FGF12: variants seen among roughly 807,000 people sequenced by gnomAD.
FGF12 encodes fibroblast growth factor 12B.
A neutral mutation model predicts 23.6 loss-of-function variants in FGF12; 14 were observed. The ratio of observed to expected loss-of-function variants is 0.59; its 90% confidence interval spans 0.39 to 0.93. FGF12 has a LOEUF of 0.93. Ranked by LOEUF, FGF12 falls within the 40% of genes least tolerant of loss-of-function variation. FGF12 has a pLI of 0.00. For missense variants in FGF12, 175 were observed against 217.8 expected (o/e 0.80, Z 1.24); for synonymous variants, 62 against 77.3 (o/e 0.80, Z 1.04).
At chr3:192,562,713 G>A in intron 2 of FGF12, among the ~76,000 whole-genome samples, 1 of 151,342 alleles carries the variant, frequency 6.6e-6, no homozygotes, top group South Asian at 2.1e-4. Flanking sequence ...TAAATTCTGG[G>A]TGATACTAAC....
chr3:192,486,405 C>T (rs1025334725), intron 2 of FGF12, among the ~76,000 whole-genome samples: 3 of 151,836 alleles, frequency 2.0e-5, no homozygotes, highest in Admixed American at 1.3e-4. Context: ...TCCGTGGGAG[C>T]CTCTTGGAGA....
At chr3:192,325,340 A>G (rs149187912) in intron 4 of FGF12, among the ~76,000 whole-genome samples, 7 of 152,336 alleles carry the variant, frequency 4.6e-5, no homozygotes, top group African/African-American at 1.7e-4. Context: ...GCATATGAGA[A>G]GAAAAAATTA....
chr3:192,184,016 A>G lies in FGF12; in HGVS notation c.229-13360T>C, dbSNP rs76222788. Among the ~76,000 whole-genome samples the G allele has an allele frequency of 1.6e-4, 24 of 152,274 alleles. No homozygotes were observed. In the East Asian group the frequency reaches 4.6e-3, roughly 29 times the overall value. On this transcript the variant is annotated intron_variant, in intron 4 of 5. Transcript: ENST00000445105. ...GGTGGGCAGATCACTTAACCCCAGG[A>G]GTCTGAGACCAGCCTGGGTAACATG... is the stretch of plus-strand genomic sequence containing the variant.
At chr3:192,563,096 G>A (rs752833797) in intron 2 of FGF12, among the ~76,000 whole-genome samples, 1 of 152,178 alleles carries the variant, frequency 6.6e-6, no homozygotes, top group Admixed American at 6.5e-5. Flanking sequence ...CATGAAAGAA[G>A]ATTAGACTTT....
intron 2 of FGF12, among the ~76,000 whole-genome samples, chr3:192,425,646 G>A (rs1721668213): frequency 1.3e-5 from 2 of 152,122 alleles, no homozygotes; most frequent in African/African-American, 4.8e-5. Flanking sequence ...TAAGATATAT[G>A]GAGATATATG....
At chr3:192,437,520 A>G (rs931698100) in intron 2 of FGF12, among the ~76,000 whole-genome samples, 1 of 152,040 alleles carries the variant, frequency 6.6e-6, no homozygotes. Context: ...GTGAAACCCC[A>G]TCTCTACTAA....
chr3:192,481,108 AT>A (rs1041794305), intron 2 of FGF12, among the ~76,000 whole-genome samples: 2 of 152,112 alleles, frequency 1.3e-5, no homozygotes, highest in African/African-American at 2.4e-5. Flanking sequence ...GAAAGATGAC[AT>A]TTTTTTATTT....
intron 2 of FGF12, among the ~76,000 whole-genome samples, chr3:192,361,650 C>T (rs1185957830): frequency 6.6e-6 from 1 of 152,160 alleles, no homozygotes; most frequent in Admixed American, 6.5e-5. Context: ...AGCAATATGG[C>T]AGGCACTGTG....
At chr3:192,295,808 T>C (rs1714997095) in intron 4 of FGF12, among the ~76,000 whole-genome samples, 1 of 152,190 alleles carries the variant, frequency 6.6e-6, no homozygotes, top group Non-Finnish European at 1.5e-5. Flanking sequence ...ACTCCCATTT[T>C]TCATAGCTAT....
chr3:192,171,448 C>T lies in FGF12; in HGVS notation c.229-792G>A, dbSNP rs1277731032. The stretch of plus-strand genomic sequence containing the variant: ...ACTACTGAGTCAATGCCAGAGCTCA[C>T]ATTCATTGCTTCACAATCACAGTCT... On this transcript the variant is annotated intron_variant, in intron 4 of 5. Coordinates refer to ENST00000445105, the MANE Select transcript of FGF12 (RefSeq NM_004113.6). Among the ~76,000 whole-genome samples, 4 of 152,188 alleles carry T rather than the reference C, an allele frequency of 2.6e-5. 1 individual carries two copies. Among genetic ancestry groups the T allele is most frequent in the Non-Finnish European group, 5.9e-5 (4 of 68,024 alleles).
chr3:192,412,608 A>G (rs1473763190), intron 2 of FGF12, among the ~76,000 whole-genome samples: 1 of 152,230 alleles, frequency 6.6e-6, no homozygotes, highest in Non-Finnish European at 1.5e-5. Flanking sequence ...CATCATCAGC[A>G]TAATTTACTC....
chr3:192,320,494 T>C lies in FGF12; in HGVS notation c.228+14867A>G, dbSNP rs146878030. ...AATAAATACAGAGCATTCCATTAAATGGCTGCAGAATATACATTCTTCTCA... is the reference window on the plus strand; with the variant it reads ...AATAAATACAGAGCATTCCATTAAACGGCTGCAGAATATACATTCTTCTCA... On this transcript the variant is annotated intron_variant, in intron 4 of 5. Coordinates refer to ENST00000445105, the MANE Select transcript of FGF12 (RefSeq NM_004113.6). Among the ~76,000 whole-genome samples the C allele has an allele frequency of 1.8e-3, 272 of 152,294 alleles. 3 individuals carry two copies. The highest frequency in any genetic ancestry group is 0.018 in the East Asian group (92 of 5,186).
chr3:192,674,344 G>A (rs911387353), intron 2 of FGF12, among the ~76,000 whole-genome samples: 5 of 152,162 alleles, frequency 3.3e-5, no homozygotes, highest in African/African-American at 1.2e-4. Flanking sequence ...AAACTATACA[G>A]TCCATCCACA....
intron 2 of FGF12, among the ~76,000 whole-genome samples, chr3:192,510,948 T>C (rs1724450851): frequency 6.6e-6 from 1 of 152,184 alleles, no homozygotes; most frequent in African/African-American, 2.4e-5. Flanking sequence ...AAAAAGGCCA[T>C]AGGTTTTCAG....
At chr3:192,348,461 T>C (rs1419335171) in intron 3 of FGF12, among the ~76,000 whole-genome samples, 1 of 152,176 alleles carries the variant, frequency 6.6e-6, no homozygotes, top group Non-Finnish European at 1.5e-5. Context: ...TAATGGTTTA[T>C]TATCTCTAAA....
chr3:192,685,684 G>C (rs1717707463), intron 2 of FGF12, among the ~76,000 whole-genome samples: 1 of 152,134 alleles, frequency 6.6e-6, no homozygotes, highest in South Asian at 2.1e-4. Flanking sequence ...AGGAAAACCG[G>C]AAGGATGGAA....
intron 2 of FGF12, among the ~76,000 whole-genome samples, chr3:192,575,933 A>G (rs1259794214): frequency 6.6e-6 from 1 of 152,188 alleles, no homozygotes; most frequent in East Asian, 1.9e-4. Context: ...TGAAAAAGGT[A>G]CTTGAAAAAA....
chr3:192,290,968 C>A (rs1284751354), intron 4 of FGF12, among the ~76,000 whole-genome samples: 2 of 151,972 alleles, frequency 1.3e-5, no homozygotes, highest in African/African-American at 4.8e-5. Context: ...TCTATACATA[C>A]AAGTGTGTAT....
At chr3:192,656,119 A>G (rs764912326) in intron 2 of FGF12, among the ~76,000 whole-genome samples, 1 of 151,928 alleles carries the variant, frequency 6.6e-6, no homozygotes, top group Non-Finnish European at 1.5e-5. Context: ...CACTCAATAA[A>G]TGTATGTTAA....
Sources: gnomAD v4.1 joint callset for allele counts (sites outside exome capture counted in the v4.1 genomes callset) on GRCh38, gnomAD v4.1.1 for gene constraint, MANE v1.5 for transcripts, NCBI Gene and HGNC (gene_info 2026-07-23, HGNC 2026-07-21) for gene names.